Variants in ATG7 observed in about 807,000 individuals in gnomAD.
The protein encoded by ATG7 is ubiquitin-like modifier-activating enzyme ATG7.
In ATG7, 70 loss-of-function variants were observed where a neutral mutation model predicts 82.4. The ratio of observed to expected loss-of-function variants is 0.85; its 90% confidence interval spans 0.70 to 1.04. ATG7 has a LOEUF of 1.04. ATG7 is among the 50% of genes least tolerant of loss of function. The pLI, the probability that ATG7 is intolerant of heterozygous loss-of-function variation, is 0.00. For synonymous variants in ATG7, 287 were observed against 313.0 expected (o/e 0.92, Z 0.88); for missense variants, 792 against 864.3 (o/e 0.92, Z 1.05).
At chr3:11,563,152 G>C in the ATG7 span, among the ~76,000 whole-genome samples, 1 of 150,398 alleles carries the variant, frequency 6.6e-6, no homozygotes, top group Non-Finnish European at 1.5e-5. Context: ...CATGTGGGCA[G>C]AGATAGCTTG....
In ATG7 at chr3:11,442,739, C is replaced by CCAAAAAAAAAAAAAAAAA. The variant is rs1553668928; in HGVS notation, c.2079+15813_2079+15814insCAAAAAAAAAAAAAAAAA. Among the ~76,000 whole-genome samples, 37 of 69,256 alleles carry CCAAAAAAAAAAAAAAAAA rather than the reference C, an allele frequency of 5.3e-4. 9 individuals carry two copies. Among genetic ancestry groups the CCAAAAAAAAAAAAAAAAA allele is most frequent in the South Asian group, 2.7e-3 (4 of 1,484 alleles). 45.4% of individuals were successfully genotyped at this position (69,256 alleles called of 152,430 possible). A position where few individuals can be genotyped will look rare whatever the true frequency, so the allele number is the denominator to read the frequency against. On this transcript the variant is annotated intron_variant, in intron 20 of 20. Coordinates refer to ENST00000693202, the MANE Select transcript of ATG7 (RefSeq NM_001349232.2). ...GCAGCATAGTGAGACTCCATCTCTA[C>CCAAAAAAAAAAAAAAAAA]AAAAAAAAAAAAAAAAAAAAAAAAA...
At chr3:11,348,729 C>G (rs1954972282) in intron 14 of ATG7, 1 of 152,308 alleles carries the variant, frequency 6.6e-6, no homozygotes, top group African/African-American at 2.4e-5. Flanking sequence ...TTTTTATTCC[C>G]TGATTTGTCC....
chr3:11,477,615 G>T (rs2088405023), intron 20 of ATG7, among the ~76,000 whole-genome samples: 1 of 152,190 alleles, frequency 6.6e-6, no homozygotes, highest in African/African-American at 2.4e-5. Context: ...AGTTAAGATG[G>T]CCCTCCTGAG....
chr3:11,480,063 G>A (rs1201566922), intron 20 of ATG7, among the ~76,000 whole-genome samples: 2 of 152,038 alleles, frequency 1.3e-5, no homozygotes, highest in Non-Finnish European at 2.9e-5. Context: ...AAGTAGCTGG[G>A]ACTACAGGTG....
chr3:11,435,075 G>T (rs1015420715), intron 20 of ATG7, among the ~76,000 whole-genome samples: 2 of 152,044 alleles, frequency 1.3e-5, no homozygotes, highest in Non-Finnish European at 2.9e-5. Flanking sequence ...AATATACCAT[G>T]TATAACCAAA....
chr3:11,285,329 G>A (rs1224802297), intron 3 of ATG7, among the ~76,000 whole-genome samples: 2 of 151,596 alleles, frequency 1.3e-5, no homozygotes, highest in Non-Finnish European at 2.9e-5. Context: ...TGGGACTACA[G>A]GTGCCTGGCA....
chr3:11,563,223 G>A, the ATG7 span, among the ~76,000 whole-genome samples: 5 of 152,156 alleles, frequency 3.3e-5, no homozygotes, highest in African/African-American at 7.2e-5. Context: ...TGGGTGCTCC[G>A]AGATTACAGC....
chr3:11,470,356 G>C (rs2087353447), intron 20 of ATG7, among the ~76,000 whole-genome samples: 1 of 152,230 alleles, frequency 6.6e-6, no homozygotes, highest in Admixed American at 6.5e-5. Flanking sequence ...TGGAAACCTG[G>C]ATGGCTTGTG....
intron 20 of ATG7, among the ~76,000 whole-genome samples, chr3:11,465,308 G>C (rs1272435766): frequency 1.3e-5 from 2 of 151,966 alleles, no homozygotes; most frequent in Admixed American, 6.6e-5. Context: ...AGCTGTGCAT[G>C]GTGGTGGGCA....
chr3:11,554,852 C>G lies in ATG7; in HGVS notation c.*9C>G, dbSNP rs561289211. ...ATGATGAGACCATCTGAGATGGCCC[C>G]GCTGTGGGGCTGACTTCTCCCCGGC... is the stretch of plus-strand genomic sequence containing the variant. On this transcript the variant is annotated 3_prime_UTR_variant, in exon 21 of 21. Transcript: ENST00000693202. The G allele has an allele frequency of 1.2e-6, 2 of 1,612,226 alleles. No homozygotes were observed. Among genetic ancestry groups the G allele is most frequent in the Non-Finnish European group, 8.5e-7 (1 of 1,179,542 alleles).
chr3:11,520,061 C>T (rs989430402), intron 20 of ATG7, among the ~76,000 whole-genome samples: 3 of 152,134 alleles, frequency 2.0e-5, no homozygotes, highest in Non-Finnish European at 4.4e-5. Flanking sequence ...TCCCATCCCC[C>T]AGATGGCAGC....
chr3:11,451,143 CA>C (rs1211401636), intron 20 of ATG7, among the ~76,000 whole-genome samples: 2 of 151,428 alleles, frequency 1.3e-5, no homozygotes, highest in Non-Finnish European at 2.9e-5. Flanking sequence ...GAATCTTTAC[CA>C]AGGAGGGTAT....
chr3:11,331,418 GC>G lies in ATG7; in HGVS notation c.760del (p.His254ThrfsTer34). On this transcript the variant is annotated frameshift_variant, in exon 10 of 21. Transcript: ENST00000693202. LOFTEE classifies it high-confidence loss of function. ...TTTGAGGAATTTTTTGGTCCTAGCA[GC>G]CCACAGATGGTATTTACAAGAGTGT... ...WPLRNFLVLA[A>X]HRWSSSFQSV... 6.2e-7 allele frequency: 1 copy of G among 1,602,194 alleles called. No individual in the cohort carries two copies. The highest frequency in any genetic ancestry group is 8.6e-7 in the Non-Finnish European group (1 of 1,169,162).
intron 3 of ATG7, among the ~76,000 whole-genome samples, chr3:11,287,928 G>A (rs1944357231): frequency 6.6e-6 from 1 of 152,224 alleles, no homozygotes; most frequent in African/African-American, 2.4e-5. Context: ...TAGTCCAGGA[G>A]TCAGCAAACT....
intron 19 of ATG7, among the ~76,000 whole-genome samples, chr3:11,389,880 T>C (rs1276019751): frequency 6.6e-6 from 1 of 152,252 alleles, no homozygotes; most frequent in Non-Finnish European, 1.5e-5. Flanking sequence ...CTATTGACCT[T>C]CCAACTTGGG....
In ATG7 at chr3:11,365,924, T is replaced by A. The variant is rs1218521034; in HGVS notation, c.1875+1190T>A. Among the ~76,000 whole-genome samples the A allele has an allele frequency of 2.0e-5, 3 of 152,076 alleles. No homozygotes were observed. The East Asian group carries it at 5.8e-4, about 29-fold the overall frequency. On this transcript the variant is annotated intron_variant, in intron 18 of 20. Transcript: ENST00000693202. ...CAGCCCCCTTGCACAAAACCACCCA[T>A]AATAGAACTTGTGGGCCGGGCGCGG...
intron 5 of ATG7, among the ~76,000 whole-genome samples, chr3:11,301,928 G>A (rs1291832884): frequency 2.0e-5 from 3 of 152,192 alleles, no homozygotes; most frequent in African/African-American, 7.2e-5. Flanking sequence ...AGTTAGGTTT[G>A]AACTTACTAC....
At chr3:11,376,144 A>C (rs1014947249) in intron 18 of ATG7, among the ~76,000 whole-genome samples, 3 of 152,210 alleles carry the variant, frequency 2.0e-5, no homozygotes, top group African/African-American at 7.2e-5. Context: ...TAGGTAAAAC[A>C]ATAGAAGCAG....
At chr3:11,488,411 T>G in intron 20 of ATG7, 1 of 1,212,848 alleles carries the variant, frequency 8.2e-7, no homozygotes, top group East Asian at 3.7e-5. Flanking sequence ...CCCGCTGAAC[T>G]CCATCCTCCC....
Sources: allele counts gnomAD v4.1 joint callset (sites outside exome capture counted in the v4.1 genomes callset), GRCh38; gene constraint gnomAD v4.1.1; transcripts MANE v1.5; gene names NCBI Gene and HGNC (gene_info 2026-07-23, HGNC 2026-07-21).